The following RBFOX1 variants were observed in gnomAD, a reference collection of about 807,000 sequenced individuals.
RBFOX1 encodes RNA binding fox-1 homolog 1, also known as RNA binding protein fox-1 homolog 1.
A neutral mutation model predicts 57.7 loss-of-function variants in RBFOX1; 8 were observed. The observed-to-expected ratio is 0.14, with a 90% CI of 0.08 to 0.25. The LOEUF (loss-of-function observed/expected upper bound fraction) is 0.25. Among genes scored for constraint, RBFOX1 ranks in the 10% least tolerant of loss-of-function variants. The pLI is 1.00. For synonymous variants in RBFOX1, 326 were observed against 222.4 expected, an observed-to-expected ratio of 1.47 and a Z score of -4.15; for missense variants, 611 against 548.5, an observed-to-expected ratio of 1.11 and a Z score of -1.14.
At chr16:6,231,234 G>GGTA (rs1567730147) in intron 1 of RBFOX1, among the ~76,000 whole-genome samples, 7 of 88,716 alleles carry the variant, frequency 7.9e-5, no homozygotes, top group Admixed American at 4.2e-4. Context: ...GTGTGTGTGT[G>GGTA]TGTAGGTGTG....
intron 12 of RBFOX1, among the ~76,000 whole-genome samples, chr16:7,654,415 C>CAA (rs2065826510): frequency 6.6e-6 from 1 of 152,100 alleles, no homozygotes; most frequent in Non-Finnish European, 1.5e-5. Flanking sequence ...CCTTTGCCTG[C>CAA]AAAGAGAAAA....
At chr16:7,046,927 A>T (rs560373177) in intron 3 of RBFOX1, among the ~76,000 whole-genome samples, 16 of 151,614 alleles carry the variant, frequency 1.1e-4, no homozygotes, top group African/African-American at 3.9e-4. Context: ...TAACTTCCGT[A>T]TTGTATATCC....
intron 3 of RBFOX1, among the ~76,000 whole-genome samples, chr16:6,796,525 G>C (rs943713433): frequency 1.3e-5 from 2 of 152,070 alleles, no homozygotes; most frequent in Non-Finnish European, 2.9e-5. Context: ...GTAAATAACA[G>C]AATAGATGTT....
chr16:7,319,781 T>C (rs1325282105), intron 4 of RBFOX1, among the ~76,000 whole-genome samples: 1 of 152,124 alleles, frequency 6.6e-6, no homozygotes, highest in Non-Finnish European at 1.5e-5. Context: ...CAGGTGTGGC[T>C]TTGACTGCCG....
intron 4 of RBFOX1, among the ~76,000 whole-genome samples, chr16:7,168,243 G>C (rs2079967773): frequency 6.6e-6 from 1 of 152,162 alleles, no homozygotes; most frequent in African/African-American, 2.4e-5. Context: ...GCTTTGGTTT[G>C]ATCTAGAATT....
chr16:7,572,614 C>G (rs1404548245), intron 5 of RBFOX1, among the ~76,000 whole-genome samples: 2 of 151,958 alleles, frequency 1.3e-5, no homozygotes. Flanking sequence ...CTGAGGCGGG[C>G]GGATCACGAG....
At chr16:7,259,747 T>C (rs78092747) in intron 4 of RBFOX1, among the ~76,000 whole-genome samples, 1,720 of 152,316 alleles carry the variant, frequency 0.011, 16 homozygotes, top group South Asian at 0.02. Context: ...TGCCACATGC[T>C]TTATCAATAG....
Position 7,510,155 on chromosome 16 carries a change from AG to A in RBFOX1, c.28-7991del, listed in dbSNP as rs2074615387. On this transcript the variant is annotated intron_variant, in intron 4 of 15. Transcript: ENST00000550418. Reference sequence around the variant, plus strand: ...AGGGGGAGGTCAGCCAGGCGGCCTCAGCCCCCCACCTTCCTCAACACCCCGA... The same window carrying A: ...AGGGGGAGGTCAGCCAGGCGGCCTCACCCCCCACCTTCCTCAACACCCCGA... The A allele has an allele frequency of 3.0e-6, 3 of 985,798 alleles. No homozygotes were observed. In the South Asian group the frequency reaches 1.4e-4, roughly 46 times the overall value. The allele number at this position is 985,798 out of a possible 1,614,324, so 61.1% of individuals were successfully genotyped here. A position where few individuals can be genotyped will look rare whatever the true frequency, so the allele number is the denominator to read the frequency against.
At chr16:6,828,757 A>C (rs529174503) in intron 3 of RBFOX1, among the ~76,000 whole-genome samples, 7 of 152,242 alleles carry the variant, frequency 4.6e-5, no homozygotes, top group Admixed American at 1.3e-4. Flanking sequence ...ACGAGGTCCT[A>C]GGTGACCAGC....
chr16:5,394,978 C>T (rs1019573138), intron 1 of RBFOX1, among the ~76,000 whole-genome samples: 1 of 152,200 alleles, frequency 6.6e-6, no homozygotes, highest in Admixed American at 6.5e-5. Context: ...TGGTGTTGCC[C>T]TCTGGCCTGT....
intron 2 of RBFOX1, among the ~76,000 whole-genome samples, chr16:6,654,110 GGAT>G (rs2098627815): frequency 1.7e-5 from 1 of 57,742 alleles, no homozygotes. Flanking sequence ...CTGTTTGGGT[GGAT>G]GGATGGATGG....
chr16:5,952,962 C>G (rs2059550349), intron 4 of RBFOX1, among the ~76,000 whole-genome samples: 1 of 152,186 alleles, frequency 6.6e-6, no homozygotes, highest in Non-Finnish European at 1.5e-5. Context: ...TTTACAAGCA[C>G]TTCAGATGTT....
intron 1 of RBFOX1, among the ~76,000 whole-genome samples, chr16:6,111,452 A>G (rs2096445842): frequency 6.6e-6 from 1 of 152,222 alleles, no homozygotes; most frequent in Admixed American, 6.5e-5. Flanking sequence ...TGAGTTAAGG[A>G]GTTTCCAAGA....
intron 3 of RBFOX1, among the ~76,000 whole-genome samples, chr16:5,782,837 G>C (rs979475383): frequency 6.6e-6 from 1 of 152,196 alleles, no homozygotes; most frequent in African/African-American, 2.4e-5. Flanking sequence ...CCCAGTTGGA[G>C]GGTATGAGAA....
In RBFOX1 at chr16:5,418,609, G is replaced by T. The variant is rs983780864; in HGVS notation, c.220-48607G>T. Among the ~76,000 whole-genome samples, 3 of 152,144 alleles carry T rather than the reference G, an allele frequency of 2.0e-5. No homozygotes were observed. In the South Asian group the frequency reaches 6.2e-4, roughly 32 times the overall value. On this transcript the variant is annotated intron_variant, in intron 1 of 2. Transcript: ENST00000585867. ...GAACCAGTTTATGGATTTATAGGAC[G>T]AAGATGACTTCCTAACCACCCCGCC...
At chr16:6,054,233 AT>A (rs1307575591) in intron 1 of RBFOX1, among the ~76,000 whole-genome samples, 2 of 152,144 alleles carry the variant, frequency 1.3e-5, no homozygotes, top group Non-Finnish European at 2.9e-5. Flanking sequence ...AGGAAACATA[AT>A]ATAATATGTT....
At chr16:5,752,710 A>T (rs2053253764) in intron 3 of RBFOX1, among the ~76,000 whole-genome samples, 2 of 152,244 alleles carry the variant, frequency 1.3e-5, no homozygotes, top group South Asian at 2.1e-4. Flanking sequence ...GTGAGGGCGT[A>T]TAAGCAGTTG....
chr16:6,022,025 T>C (rs1336614227), intron 1 of RBFOX1, among the ~76,000 whole-genome samples: 1 of 152,132 alleles, frequency 6.6e-6, no homozygotes, highest in Admixed American at 6.5e-5. Flanking sequence ...TTCTTTTAAG[T>C]AAGGAACAGA....
At chr16:5,516,711 A>AT (rs1288396192) in intron 2 of RBFOX1, among the ~76,000 whole-genome samples, 1 of 152,066 alleles carries the variant, frequency 6.6e-6, no homozygotes, top group Non-Finnish European at 1.5e-5. Context: ...TAATTGAGTC[A>AT]TGGGGGTGGG....
Sources: gnomAD v4.1 joint callset for allele counts (sites outside exome capture counted in the v4.1 genomes callset) on GRCh38, gnomAD v4.1.1 for gene constraint, MANE v1.5 for transcripts, NCBI Gene and HGNC (gene_info 2026-07-23, HGNC 2026-07-21) for gene names.